The following NRXN3 variants were observed in gnomAD, a reference collection of about 807,000 sequenced individuals.
NRXN3 encodes neurexin III.
In NRXN3, 32 loss-of-function variants were observed where a neutral mutation model predicts 137.6. That is an observed-to-expected ratio of 0.23 (90% CI 0.18 to 0.31). The LOEUF (loss-of-function observed/expected upper bound fraction) is 0.31, where lower values mean the gene tolerates loss of function less well. NRXN3 is among the 10% of genes least tolerant of loss of function. The probability of loss-of-function intolerance (pLI) is 1.00; values close to 1 mark genes in which losing one functional copy is unlikely to be tolerated. For missense variants in NRXN3, 1,574 were observed against 2,062.5 expected (o/e 0.76, Z 4.59); for synonymous variants, 798 against 784.5 (o/e 1.02, Z -0.29).
intron 19 of NRXN3, among the ~76,000 whole-genome samples, chr14:79,698,767 C>T (rs2098744112): frequency 6.6e-6 from 1 of 151,958 alleles, no homozygotes; most frequent in Admixed American, 6.6e-5. Context: ...TACCCCTATC[C>T]TAGTTAGTGT....
intron 20 of NRXN3, among the ~76,000 whole-genome samples, chr14:79,812,528 A>C (rs562968887): frequency 6.6e-6 from 1 of 152,222 alleles, no homozygotes; most frequent in East Asian, 1.9e-4. Flanking sequence ...AAAAAATCAC[A>C]CAAGATGATG....
At chr14:78,711,628 A>G (rs1229822227) in intron 7 of NRXN3, among the ~76,000 whole-genome samples, 1 of 151,990 alleles carries the variant, frequency 6.6e-6, no homozygotes, top group Non-Finnish European at 1.5e-5. Context: ...TTTAGTAGAG[A>G]CAGGGTTTCA....
chr14:79,491,864 C>T (rs985303119), intron 16 of NRXN3, among the ~76,000 whole-genome samples: 9 of 152,080 alleles, frequency 5.9e-5, no homozygotes, highest in African/African-American at 1.9e-4. Flanking sequence ...TTAAATATTG[C>T]TTCTTAAAAT....
intron 16 of NRXN3, among the ~76,000 whole-genome samples, chr14:79,613,756 G>A (rs992580160): frequency 6.6e-6 from 1 of 152,174 alleles, no homozygotes; most frequent in African/African-American, 2.4e-5. Context: ...CAGGTTCACA[G>A]TGCCTAGCTC....
intron 16 of NRXN3, among the ~76,000 whole-genome samples, chr14:79,633,841 A>T (rs1171730008): frequency 1.3e-5 from 2 of 152,164 alleles, no homozygotes; most frequent in African/African-American, 4.8e-5. Flanking sequence ...GGATGAGCCA[A>T]CTGGCCTGTT....
chr14:79,294,154 C>A (rs148341662), intron 15 of NRXN3, among the ~76,000 whole-genome samples: 50 of 152,274 alleles, frequency 3.3e-4, no homozygotes, highest in African/African-American at 1.1e-3. Flanking sequence ...AAAGGAAGGA[C>A]GCTTGGTTTT....
At position 79,861,336 on chromosome 14, in the gene NRXN3, TA is replaced by T. The variant is rs1455439041; in HGVS notation, c.4094-4del. On this transcript the variant is annotated splice_region_variant and splice_polypyrimidine_tract_variant and intron_variant, in intron 20 of 20. Coordinates refer to ENST00000335750, the MANE Select transcript of NRXN3 (RefSeq NM_001330195.2). This position sits in a 1 kb window ranked among gnomAD's most constrained non-coding sequence, Gnocchi z 5.4. ...GATTTTTACACCACCTTCTCCTTGG[TA>T]ACAGATAAGAGTCTTTCCACTTCAA... is the stretch of plus-strand genomic sequence containing the variant. The T allele has an allele frequency of 6.5e-7, 1 of 1,536,128 alleles. No individual in the cohort carries two copies. The highest frequency in any genetic ancestry group is 8.7e-7 in the Non-Finnish European group (1 of 1,146,908).
chr14:78,618,248 T>G (rs2097365760), intron 4 of NRXN3, among the ~76,000 whole-genome samples: 1 of 151,806 alleles, frequency 6.6e-6, no homozygotes, highest in South Asian at 2.1e-4. Flanking sequence ...CTTACAGAGT[T>G]GTGCTATACC....
chr14:79,199,124 GCCACTGCGCT>G (rs1040143510), intron 15 of NRXN3, among the ~76,000 whole-genome samples: 3 of 151,568 alleles, frequency 2.0e-5, no homozygotes, highest in African/African-American at 7.3e-5. Flanking sequence ...CCAAGATGGC[GCCACTGCGCT>G]CCAGCCTGGG....
intron 1 of NRXN3, among the ~76,000 whole-genome samples, chr14:78,196,618 C>T (rs188096282): frequency 1.3e-5 from 2 of 152,316 alleles, no homozygotes; most frequent in African/African-American, 2.4e-5. Flanking sequence ...TTGAGCTTCT[C>T]TGCAGGGAAG....
At chr14:78,583,534 CA>C (rs1444342918) in intron 4 of NRXN3, among the ~76,000 whole-genome samples, 2 of 152,008 alleles carry the variant, frequency 1.3e-5, no homozygotes, top group African/African-American at 4.8e-5. Context: ...TAAGCAGATA[CA>C]AAATCGCTTT....
intron 15 of NRXN3, among the ~76,000 whole-genome samples, chr14:79,038,998 A>T (rs1246813292): frequency 1.3e-5 from 2 of 152,040 alleles, no homozygotes; most frequent in Non-Finnish European, 2.9e-5. Flanking sequence ...ATTGTTAAAT[A>T]TGTTCAACTT....
At chr14:78,732,900 A>G (rs2098523204) in intron 8 of NRXN3, among the ~76,000 whole-genome samples, 1 of 152,124 alleles carries the variant, frequency 6.6e-6, no homozygotes, top group African/African-American at 2.4e-5. Context: ...TAAGGAATGA[A>G]TTTAGTTTTT....
intron 4 of NRXN3, among the ~76,000 whole-genome samples, chr14:78,369,082 G>T (rs144604960): frequency 6.6e-6 from 1 of 152,068 alleles, no homozygotes; most frequent in Non-Finnish European, 1.5e-5. Flanking sequence ...TGGATTAATC[G>T]CTTAATATGG....
At chr14:79,229,335 T>C (rs756309065) in intron 15 of NRXN3, among the ~76,000 whole-genome samples, 1 of 152,228 alleles carries the variant, frequency 6.6e-6, no homozygotes, top group African/African-American at 2.4e-5. Context: ...ATTCTGTTTT[T>C]AGGCTTAGTT....
chr14:78,714,780 G>A lies in NRXN3; in HGVS notation c.1685G>A (p.Arg562His), dbSNP rs369032353. 8 of 1,613,914 alleles carry A rather than the reference G, an allele frequency of 5.0e-6. No homozygotes were observed. The highest frequency in any genetic ancestry group is 4.0e-5 in the African/African-American group (3 of 74,906). Reference protein sequence around the residue: ...RSGTISVNSRRTPFTASGESE... With the variant: ...RSGTISVNSRHTPFTASGESE... ...GGTACTATATCAGTGAACAGCAGGC[G>A]CACGCCATTCACCGCCAGTGGGGAG... The change falls in exon 8 of 21, where the codon CGC (arginine) becomes CAC (histidine). Residue 562 changes from arginine to histidine, a missense_variant. Around this residue, in one of 5 missense-constraint regions of NRXN3, gnomAD observed 718 missense variants for 887.6 expected, o/e 0.81. Coordinates refer to ENST00000335750, the MANE Select transcript of NRXN3 (RefSeq NM_001330195.2).
rs1330399761 is a variant in NRXN3 at position 79,048,045 on chromosome 14, A to C, written c.3262+59904A>C. ...TATCCATCAAGAGTATGGATAAACA[A>C]AACACAGTATATTCCTATGATGGAA... On this transcript the variant is annotated intron_variant, in intron 15 of 20. Transcript: ENST00000335750. Among the ~76,000 whole-genome samples, 3 of 152,178 alleles carry C rather than the reference A, an allele frequency of 2.0e-5. No individual in the cohort carries two copies. The East Asian group carries it at 5.8e-4, about 29-fold the overall frequency.
intron 12 of NRXN3, 81 bp from the exon 13 acceptor site, chr14:78,967,127 A>C: frequency 8.3e-7 from 1 of 1,204,034 alleles, no homozygotes; most frequent in Non-Finnish European, 1.2e-6. Flanking sequence ...TTTGAAGCCC[A>C]CTATGTCAGT....
At chr14:79,194,272 C>G (rs1369394117) in intron 15 of NRXN3, among the ~76,000 whole-genome samples, 3 of 152,204 alleles carry the variant, frequency 2.0e-5, no homozygotes, top group African/African-American at 7.2e-5. Flanking sequence ...TATATCTTCT[C>G]TGACATGCAA....
Sources: allele counts gnomAD v4.1 joint callset (sites outside exome capture counted in the v4.1 genomes callset), GRCh38; gene constraint gnomAD v4.1.1; regional missense constraint gnomAD v4.1.1; non-coding constraint Gnocchi (gnomAD v3.1); transcripts MANE v1.5; gene names NCBI Gene and HGNC (gene_info 2026-07-23, HGNC 2026-07-21).